The following FPR3 variants were observed in gnomAD, a reference collection of about 807,000 sequenced individuals.
The protein encoded by FPR3 is formyl peptide receptor 3.
For missense variants in FPR3, 346 were observed against 443.2 expected, an observed-to-expected ratio of 0.78 and a Z score of 1.97; for synonymous variants, 135 against 163.6, an observed-to-expected ratio of 0.83 and a Z score of 1.34.
intron 1 of FPR3, among the ~76,000 whole-genome samples, chr19:51,816,429 G>T (rs1454530120): frequency 1.3e-5 from 2 of 152,158 alleles, no homozygotes; most frequent in Non-Finnish European, 2.9e-5. Flanking sequence ...TGTGTTTTTA[G>T]TAGAGACAAG....
In FPR3 at chr19:51,805,499, G is replaced by T. The variant is rs546951312; in HGVS notation, c.-11+10168G>T. Among the ~76,000 whole-genome samples, 3 of 152,270 alleles carry T rather than the reference G, an allele frequency of 2.0e-5. No individual in the cohort carries two copies. The South Asian group carries it at 6.2e-4, about 32-fold the overall frequency. On this transcript the variant is annotated intron_variant, in intron 1 of 1. Transcript: ENST00000339223. ...CTCCTTGCAAATGGGCTTTCACAAG[G>T]TCCCACGGATACTCACTTTTGTTAT...
intron 1 of FPR3, chr19:51,811,437 T>G (rs916673240): frequency 1.3e-5 from 2 of 152,220 alleles, no homozygotes; most frequent in Admixed American, 6.5e-5. Context: ...AGTACTTCTT[T>G]AAGGAACTGA....
intron 1 of FPR3, among the ~76,000 whole-genome samples, chr19:51,815,523 C>T (rs1259447630): frequency 1.3e-5 from 2 of 151,334 alleles, no homozygotes; most frequent in Non-Finnish European, 2.9e-5. Flanking sequence ...GAGCCAAGAT[C>T]CCGCCACTGC....
intron 1 of FPR3, among the ~76,000 whole-genome samples, chr19:51,797,485 G>A (rs919702775): frequency 6.6e-6 from 1 of 152,034 alleles, no homozygotes; most frequent in Non-Finnish European, 1.5e-5. Flanking sequence ...AATTTTTTTG[G>A]TATAAAAAAT....
chr19:51,797,500 T>C (rs1287439978), intron 1 of FPR3, among the ~76,000 whole-genome samples: 1 of 152,212 alleles, frequency 6.6e-6, no homozygotes, highest in African/African-American at 2.4e-5. Context: ...AAAAATGATC[T>C]TTTATCCCTC....
rs2084217563 is a variant in FPR3 at position 51,824,541 on chromosome 19, G to T, written c.793G>T (p.Ala265Ser). The T allele has an allele frequency of 6.2e-7, 1 of 1,613,906 alleles. No homozygotes were observed. The highest frequency in any genetic ancestry group is 1.3e-5 in the African/African-American group (1 of 74,866). ...FPYELIGILM[A>S]VWLKEMLLNG... ...TTATGAACTAATTGGCATTCTAATGGCAGTCTGGCTCAAAGAGATGTTGTT... is the reference window on the plus strand; with the variant it reads ...TTATGAACTAATTGGCATTCTAATGTCAGTCTGGCTCAAAGAGATGTTGTT... The change falls in exon 2 of 2, where the codon GCA (alanine) becomes TCA (serine). Residue 265 changes from alanine to serine, a missense_variant. Physicochemically the swap from Ala to Ser is moderately conservative, Grantham distance 99. Transcript: ENST00000339223. The surrounding 1 kb of genome is among the most constrained non-coding windows in gnomAD (Gnocchi z 4.7).
chr19:51,800,240 C>A (rs560172844), intron 1 of FPR3, among the ~76,000 whole-genome samples: 3 of 152,328 alleles, frequency 2.0e-5, no homozygotes, highest in African/African-American at 7.2e-5. Context: ...GTTCTCCCAG[C>A]CCCTCAGAGG....
Position 51,824,733 on chromosome 19 carries a change from C to G in FPR3, c.985C>G (p.Pro329Ala). ...TSLERALTEVPDSAQTSNTDT... is the reference protein window; with the variant it reads ...TSLERALTEVADSAQTSNTDT... ...TTTGGAGAGGGCCCTGACTGAGGTCCCTGACTCAGCCCAGACCAGCAACAC... is the reference window on the plus strand; with the variant it reads ...TTTGGAGAGGGCCCTGACTGAGGTCGCTGACTCAGCCCAGACCAGCAACAC... The change falls in exon 2 of 2, where the codon CCT (proline) becomes GCT (alanine). Residue 329 changes from proline (P) to alanine (A), a missense_variant. Transcript: ENST00000339223. This position sits in a 1 kb window ranked among gnomAD's most constrained non-coding sequence, Gnocchi z 4.7. 6.2e-7 allele frequency: 1 copy of G among 1,614,032 alleles called. No individual in the cohort carries two copies. The highest frequency in any genetic ancestry group is 8.5e-7 in the Non-Finnish European group (1 of 1,179,984).
At chr19:51,810,719 C>T (rs2084090570) in intron 1 of FPR3, among the ~76,000 whole-genome samples, 1 of 152,160 alleles carries the variant, frequency 6.6e-6, no homozygotes. Flanking sequence ...GGGTAAAAAA[C>T]GCATAGCACC....
At chr19:51,811,785 G>C (rs2084098526) in intron 1 of FPR3, 2 of 135,534 alleles carry the variant, frequency 1.5e-5, no homozygotes, top group Non-Finnish European at 3.2e-5. Flanking sequence ...CTCGGCACCA[G>C]GAGGCGACTC....
In FPR3 at chr19:51,797,874, A is replaced by C. The variant is rs368304638; in HGVS notation, c.-11+2543A>C. On this transcript the variant is annotated intron_variant, in intron 1 of 1. Transcript: ENST00000339223. The stretch of plus-strand genomic sequence containing the variant: ...CCTATCCTAGATGATTTCCATGTCT[A>C]TTCTTTTTTTTTTTTTTTTTTTTTT... Among the ~76,000 whole-genome samples, 6 of 35,746 alleles carry C rather than the reference A, an allele frequency of 1.7e-4. No individual in the cohort carries two copies. In the South Asian group the frequency reaches 3.6e-3, roughly 22 times the overall value. 23.5% of individuals were successfully genotyped at this position (35,746 alleles called of 152,430 possible).
chr19:51,801,464 A>G (rs1479675197), intron 1 of FPR3, among the ~76,000 whole-genome samples: 1 of 152,184 alleles, frequency 6.6e-6, no homozygotes, highest in Admixed American at 6.5e-5. Flanking sequence ...TTGTTCCTCT[A>G]CAATATAGGT....
At position 51,797,877 on chromosome 19, in the gene FPR3, CTTTTTTT is replaced by C. The variant is rs753127261; in HGVS notation, c.-11+2563_-11+2569del. On this transcript the variant is annotated intron_variant, in intron 1 of 1. Coordinates refer to ENST00000339223, the MANE Select transcript of FPR3 (RefSeq NM_002030.5). ...ATCCTAGATGATTTCCATGTCTATT[CTTTTTTT>C]TTTTTTTTTTTTTTTTGAGACGGAG... Among the ~76,000 whole-genome samples, 12 of 71,512 alleles carry C rather than the reference CTTTTTTT, an allele frequency of 1.7e-4. No individual in the cohort carries two copies. In the South Asian group the frequency reaches 2.3e-3, roughly 14 times the overall value. The allele number at this position is 71,512 out of a possible 152,430, so 46.9% of individuals were successfully genotyped here. A position where few individuals can be genotyped will look rare whatever the true frequency, so the allele number is the denominator to read the frequency against.
At chr19:51,802,969 G>A (rs1383943214) in intron 1 of FPR3, among the ~76,000 whole-genome samples, 2 of 152,102 alleles carry the variant, frequency 1.3e-5, no homozygotes, top group Non-Finnish European at 2.9e-5. Context: ...ATTGTGGTCT[G>A]TATTGCTTAC....
In FPR3 at chr19:51,824,391, T is replaced by G; in HGVS notation, c.643T>G (p.Ser215Ala). 6.2e-7 allele frequency: 1 copy of G among 1,614,146 alleles called. No individual in the cohort carries two copies. Among genetic ancestry groups the G allele is most frequent in the Non-Finnish European group, 8.5e-7 (1 of 1,180,008 alleles). The change falls in exon 2 of 2, where the codon TCC (serine) becomes GCC (alanine). Residue 215 changes from serine (S) to alanine (A), a missense_variant. Transcript: ENST00000339223. The surrounding 1 kb of genome is among the most constrained non-coding windows in gnomAD (Gnocchi z 4.7). ...CATTATTGGCTTCAGCGTGCCTATG[T>G]CCATCATCACAGTCTGCTATGGGAT... ...HFIIGFSVPM[S>A]IITVCYGIIA...
intron 1 of FPR3, among the ~76,000 whole-genome samples, chr19:51,800,999 C>A (rs1353508835): frequency 6.6e-6 from 1 of 152,086 alleles, no homozygotes; most frequent in East Asian, 1.9e-4. Flanking sequence ...TGGCACCGGG[C>A]CCTTTTCCTC....
At chr19:51,800,506 A>T (rs1340286066) in intron 1 of FPR3, among the ~76,000 whole-genome samples, 1 of 152,150 alleles carries the variant, frequency 6.6e-6, no homozygotes, top group African/African-American at 2.4e-5. Context: ...GCCTGGGAAA[A>T]TGTTGATAAC....
intron 1 of FPR3, among the ~76,000 whole-genome samples, chr19:51,813,848 T>C (rs1286876528): frequency 1.3e-5 from 2 of 152,118 alleles, no homozygotes; most frequent in African/African-American, 4.8e-5. Flanking sequence ...TTTTCCTCCT[T>C]TATAAAATGA....
chr19:51,806,165 T>C (rs1244144032), intron 1 of FPR3, among the ~76,000 whole-genome samples: 1 of 152,138 alleles, frequency 6.6e-6, no homozygotes, highest in South Asian at 2.1e-4. Context: ...CTTCTCTCCA[T>C]CTTTGCACTC....
Sources: gnomAD v4.1 joint callset for allele counts (sites outside exome capture counted in the v4.1 genomes callset) on GRCh38, gnomAD v4.1.1 for gene constraint, Gnocchi (gnomAD v3.1) non-coding constraint, MANE v1.5 for transcripts, NCBI Gene and HGNC (gene_info 2026-07-23, HGNC 2026-07-21) for gene names.